GK: variants seen among roughly 807,000 people sequenced by gnomAD.
GK encodes the protein glycerol kinase.
Under a neutral mutation model 56.4 loss-of-function variants are expected in GK, and 9 were observed. That is an observed-to-expected ratio of 0.16 (90% CI 0.10 to 0.28). The LOEUF is 0.28. Ranked by LOEUF, GK falls within the 10% of genes least tolerant of loss-of-function variation. GK has a pLI of 1.00. For synonymous variants in GK, 104 were observed against 144.1 expected (o/e 0.72, Z 1.99); for missense variants, 161 against 431.4 (o/e 0.37, Z 5.55).
chrX:30,711,870 C>G (rs1319001452), intron 13 of GK, among the ~76,000 whole-genome samples: 1 of 112,014 alleles, frequency 8.9e-6, no homozygotes, highest in Non-Finnish European at 1.9e-5. Flanking sequence ...ACAACTTCCT[C>G]CCTCTCCCTG....
intron 5 of GK, among the ~76,000 whole-genome samples, chrX:30,693,846 G>A (rs1219875899): frequency 8.1e-5 from 9 of 111,698 alleles, no homozygotes; most frequent in Non-Finnish European, 1.7e-4. Flanking sequence ...ACCACACCTG[G>A]CCCTGTGTTG....
intron 10 of GK, 68 bp from the exon 11 acceptor site, chrX:30,700,770 G>T (rs1935608759): frequency 2.7e-5 from 18 of 665,261 alleles, no homozygotes; most frequent in Non-Finnish European, 3.9e-5. Context: ...AAATCCTATG[G>T]CTCTTCTAAA....
intron 4 of GK, among the ~76,000 whole-genome samples, chrX:30,680,943 T>C (rs1374515656): frequency 8.9e-6 from 1 of 111,925 alleles, no homozygotes; most frequent in Non-Finnish European, 1.9e-5. Flanking sequence ...TCTTTAACAC[T>C]AATTGGATTA....
chrX:30,702,908 G>C (rs1433454927), intron 11 of GK, among the ~76,000 whole-genome samples: 1 of 111,810 alleles, frequency 8.9e-6, no homozygotes, highest in Non-Finnish European at 1.9e-5. Context: ...TTGAGGAGGA[G>C]GGATGTGGGA....
intron 13 of GK, among the ~76,000 whole-genome samples, chrX:30,712,885 C>T (rs1221244417): frequency 9.2e-6 from 1 of 108,591 alleles, no homozygotes; most frequent in Non-Finnish European, 1.9e-5. Context: ...CCACCATGCC[C>T]GGCTAATTTT....
intron 13 of GK, among the ~76,000 whole-genome samples, chrX:30,713,022 C>T (rs1406030227): frequency 1.8e-5 from 2 of 111,640 alleles, no homozygotes; most frequent in Non-Finnish European, 3.8e-5. Context: ...GCGTGAGCCA[C>T]CGCGCCCGGC....
At chrX:30,704,046 T>C (rs760091461) in intron 11 of GK, among the ~76,000 whole-genome samples, 2 of 103,284 alleles carry the variant, frequency 1.9e-5, no homozygotes, top group South Asian at 4.3e-4. Flanking sequence ...AGAAAAAATA[T>C]ACAAGTAGAG....
chrX:30,724,057 C>A, intron 18 of GK, 44 bp from the exon 19 acceptor site: 2 of 806,044 alleles, frequency 2.5e-6, no homozygotes, highest in Non-Finnish European at 3.8e-6. Flanking sequence ...AACATCTCAG[C>A]AAACTACCTT....
chrX:30,653,673 A>AG, intron 1 of GK, 58 bp downstream of exon 1: 1 of 997,142 alleles, frequency 1.0e-6, no homozygotes, highest in Non-Finnish European at 1.4e-6. Flanking sequence ...CGGGGGACGG[A>AG]GGGGGTGGCT....
intron 13 of GK, among the ~76,000 whole-genome samples, chrX:30,710,893 C>T (rs1169431279): frequency 9.0e-6 from 1 of 111,107 alleles, no homozygotes; most frequent in Non-Finnish European, 1.9e-5. Flanking sequence ...AATCTCCCGA[C>T]CATGATAAGG....
chrX:30,688,501 C>CAA (rs34773549), intron 4 of GK, among the ~76,000 whole-genome samples: 31 of 33,646 alleles, frequency 9.2e-4, no homozygotes, highest in Non-Finnish European at 1.3e-3. Context: ...GACTCTGTCT[C>CAA]AAAAAAAAAA....
At chrX:30,661,411 C>T (rs932580705) in intron 1 of GK, among the ~76,000 whole-genome samples, 1 of 110,484 alleles carries the variant, frequency 9.1e-6, no homozygotes, top group African/African-American at 3.3e-5. Context: ...CCCATCGCAG[C>T]GGCCCTCCTA....
intron 13 of GK, among the ~76,000 whole-genome samples, chrX:30,708,966 T>C (rs927548143): frequency 3.6e-5 from 4 of 111,480 alleles, no homozygotes; most frequent in Non-Finnish European, 7.5e-5. Context: ...ATTAGTTTAT[T>C]TCTATTTTTC....
At chrX:30,700,231 C>T (rs1935574833) in intron 9 of GK, 183 bp from the exon 10 acceptor site, 2 of 413,934 alleles carry the variant, frequency 4.8e-6, no homozygotes, top group South Asian at 8.0e-5. Flanking sequence ...CACATCTCTT[C>T]CTGTCATTCT....
chrX:30,691,832 G>A (rs1015037447), intron 5 of GK, among the ~76,000 whole-genome samples: 1 of 110,654 alleles, frequency 9.0e-6, no homozygotes, highest in Non-Finnish European at 1.9e-5. Flanking sequence ...GGCTGCTTTT[G>A]AGTTTTTAAG....
chrX:30,683,025 G>A (rs1440002574), intron 4 of GK, among the ~76,000 whole-genome samples: 1 of 110,885 alleles, frequency 9.0e-6, no homozygotes, highest in Non-Finnish European at 1.9e-5. Flanking sequence ...CATATTAGGG[G>A]TTAAGATTTT....
Position 30,730,279 on chromosome X carries a change from A to ATCAATGGTAGCTTTATTGACTGT in GK, c.*1540_*1562dup, listed in dbSNP as rs1365338235. 1.8e-5 allele frequency: 2 copies of ATCAATGGTAGCTTTATTGACTGT among 112,058 alleles called. No homozygotes were observed. Among genetic ancestry groups the ATCAATGGTAGCTTTATTGACTGT allele is most frequent in the East Asian group, 5.6e-4 (2 of 3,590 alleles). The allele number at this position is 112,058 out of a possible 1,213,427, so 9.2% of individuals were successfully genotyped here. ...TATAAAAGGTTCTGTTTTGTTTGGA[A>ATCAATGGTAGCTTTATTGACTGT]TCAATGGTAGCTTTATTGACTGTTC... On this transcript the variant is annotated 3_prime_UTR_variant, in exon 21 of 21. Transcript: ENST00000427190.
In GK at chrX:30,708,715, A is replaced by G. The variant is rs762840503; in HGVS notation, c.975+581A>G. Among the ~76,000 whole-genome samples the G allele has an allele frequency of 4.1e-4, 46 of 112,185 alleles. 1 individual carries two copies. In the South Asian group the frequency reaches 0.016, roughly 39 times the overall value. ...AGGATATGGTAAGTTAGTGTTAGAAATATTTATTTATAAAGTCAAAGAAAT... is the reference window on the plus strand; with the variant it reads ...AGGATATGGTAAGTTAGTGTTAGAAGTATTTATTTATAAAGTCAAAGAAAT... On this transcript the variant is annotated intron_variant, in intron 13 of 20. Transcript: ENST00000427190.
intron 1 of GK, among the ~76,000 whole-genome samples, chrX:30,662,664 G>A (rs1228890440): frequency 9.1e-6 from 1 of 110,059 alleles, no homozygotes; most frequent in Non-Finnish European, 1.9e-5. Context: ...CAGCAAAAAG[G>A]GACACCTTGT....
Sources: gnomAD v4.1 joint callset for allele counts (sites outside exome capture counted in the v4.1 genomes callset) on GRCh38, gnomAD v4.1.1 for gene constraint, MANE v1.5 for transcripts, NCBI Gene and HGNC (gene_info 2026-07-23, HGNC 2026-07-21) for gene names.